FANCC: variants seen among roughly 807,000 people sequenced by gnomAD.
The protein encoded by FANCC is FA complementation group C.
A neutral mutation model predicts 71.3 loss-of-function variants in FANCC; 55 were observed. The observed-to-expected ratio is 0.77, with a 90% CI of 0.62 to 0.97. The LOEUF is 0.97. Among genes scored for constraint, FANCC ranks in the 50% least tolerant of loss-of-function variants. The pLI is 0.00. For synonymous variants in FANCC, 275 were observed against 244.9 expected, an observed-to-expected ratio of 1.12 and a Z score of -1.15; for missense variants, 678 against 670.9, an observed-to-expected ratio of 1.01 and a Z score of -0.12.
At chr9:95,188,354 C>T (rs1004337878) in intron 4 of FANCC, among the ~76,000 whole-genome samples, 1 of 152,190 alleles carries the variant, frequency 6.6e-6, no homozygotes, top group Non-Finnish European at 1.5e-5. Flanking sequence ...CAGCCTGCTC[C>T]ATGAAAAGCT....
intron 8 of FANCC, among the ~76,000 whole-genome samples, chr9:95,130,224 G>A (rs977069019): frequency 1.5e-4 from 23 of 152,108 alleles, no homozygotes; most frequent in African/African-American, 5.3e-4. Flanking sequence ...AAAGAGGCCT[G>A]AGAACAAGAA....
intron 1 of FANCC, among the ~76,000 whole-genome samples, chr9:95,309,071 A>C (rs1835232391): frequency 6.6e-6 from 1 of 152,224 alleles, no homozygotes; most frequent in Non-Finnish European, 1.5e-5. Context: ...TTAAGAAAAA[A>C]TCAGTCATAT....
At chr9:95,260,686 T>TA (rs75106263) in intron 1 of FANCC, among the ~76,000 whole-genome samples, 3,439 of 129,490 alleles carry the variant, frequency 0.027, 73 homozygotes, top group Middle Eastern at 0.082. Flanking sequence ...ACTTAAAATA[T>TA]AAAAAAAAAA....
At chr9:95,289,907 C>A (rs1173219992) in intron 1 of FANCC, among the ~76,000 whole-genome samples, 2 of 152,202 alleles carry the variant, frequency 1.3e-5, no homozygotes, top group Non-Finnish European at 2.9e-5. Flanking sequence ...GATCCTCCTG[C>A]CTCAGCCTCC....
Position 95,306,757 on chromosome 9 carries a change from C to CT in FANCC, c.-79+10768_-79+10769insA, listed in dbSNP as rs1299544801. Among the ~76,000 whole-genome samples, 15 of 152,272 alleles carry CT rather than the reference C, an allele frequency of 9.9e-5. 1 individual carries two copies. The highest frequency in any genetic ancestry group is 3.6e-4 in the African/African-American group (15 of 41,538). On this transcript the variant is annotated intron_variant, in intron 1 of 14. Coordinates refer to ENST00000289081, the MANE Select transcript of FANCC (RefSeq NM_000136.3). ...TAAAAGCTGTACACACACAATCAAC[C>CT]CAAGAAGTTCATCAGTAGCTATCCT... is the stretch of plus-strand genomic sequence containing the variant.
At chr9:95,159,821 T>C (rs1830646332) in intron 6 of FANCC, among the ~76,000 whole-genome samples, 1 of 152,240 alleles carries the variant, frequency 6.6e-6, no homozygotes, top group South Asian at 2.1e-4. Context: ...GTTGGCTGCA[T>C]AAATGTCTTG....
intron 6 of FANCC, among the ~76,000 whole-genome samples, chr9:95,160,206 A>C (rs1830665031): frequency 6.6e-6 from 1 of 152,174 alleles, no homozygotes; most frequent in South Asian, 2.1e-4. Flanking sequence ...ATTTTTATAT[A>C]AGGTGTAAGG....
chr9:95,215,810 C>A (rs975378508), intron 4 of FANCC, among the ~76,000 whole-genome samples: 1 of 152,182 alleles, frequency 6.6e-6, no homozygotes, highest in Non-Finnish European at 1.5e-5. Context: ...GGAGTAAGCA[C>A]GGAGGTGACT....
intron 12 of FANCC, among the ~76,000 whole-genome samples, chr9:95,112,313 G>A (rs940176361): frequency 6.6e-6 from 1 of 152,304 alleles, no homozygotes; most frequent in South Asian, 2.1e-4. Context: ...CATTAGATGA[G>A]AACATTCCTT....
intron 4 of FANCC, among the ~76,000 whole-genome samples, chr9:95,224,417 G>A (rs1276299741): frequency 6.6e-6 from 1 of 151,982 alleles, no homozygotes; most frequent in Non-Finnish European, 1.5e-5. Flanking sequence ...CTACCTTCAT[G>A]GAGTTGTGAA....
intron 12 of FANCC, 114 bp downstream of exon 12, chr9:95,114,515 G>C (rs746937183): frequency 3.2e-5 from 30 of 938,160 alleles, no homozygotes; most frequent in Non-Finnish European, 5.1e-5. Flanking sequence ...TCACCTGTTT[G>C]GTGATGGTCC....
chr9:95,241,284 T>C (rs1830612703), intron 3 of FANCC, among the ~76,000 whole-genome samples: 1 of 152,236 alleles, frequency 6.6e-6, no homozygotes, highest in African/African-American at 2.4e-5. Context: ...AGGATTGTTT[T>C]AAAATATATT....
intron 4 of FANCC, among the ~76,000 whole-genome samples, chr9:95,229,049 A>G (rs142253505): frequency 1.2e-4 from 18 of 152,230 alleles, no homozygotes; most frequent in African/African-American, 4.3e-4. Flanking sequence ...TGTAATCCCA[A>G]CACTTTGGAA....
intron 4 of FANCC, among the ~76,000 whole-genome samples, chr9:95,192,137 T>G (rs547358354): frequency 5.1e-4 from 78 of 152,344 alleles, no homozygotes; most frequent in African/African-American, 1.8e-3. Flanking sequence ...ATGTGATATC[T>G]AAAATCGATT....
intron 11 of FANCC, among the ~76,000 whole-genome samples, chr9:95,116,565 C>T (rs2072439114): frequency 6.6e-6 from 1 of 152,236 alleles, no homozygotes; most frequent in Admixed American, 6.5e-5. Flanking sequence ...CCTTCTGTCT[C>T]CTCTCCTCCC....
intron 1 of FANCC, among the ~76,000 whole-genome samples, chr9:95,289,135 A>G (rs1833862107): frequency 6.6e-6 from 1 of 152,186 alleles, no homozygotes; most frequent in South Asian, 2.1e-4. Context: ...GTATCATTTC[A>G]ATCTACTACT....
intron 1 of FANCC, among the ~76,000 whole-genome samples, chr9:95,289,427 T>C (rs1423977145): frequency 6.6e-6 from 1 of 152,106 alleles, no homozygotes; most frequent in African/African-American, 2.4e-5. Flanking sequence ...CGCGTGAGTA[T>C]AGTATATAGA....
intron 3 of FANCC, among the ~76,000 whole-genome samples, chr9:95,241,029 T>C (rs1341628181): frequency 6.6e-6 from 1 of 152,206 alleles, no homozygotes; most frequent in Non-Finnish European, 1.5e-5. Context: ...ACTTAACTCT[T>C]GTGTGGTCAA....
At chr9:95,267,311 T>C (rs1343461847) in intron 1 of FANCC, among the ~76,000 whole-genome samples, 1 of 151,914 alleles carries the variant, frequency 6.6e-6, no homozygotes, top group African/African-American at 2.4e-5. Flanking sequence ...CTAGGGAGGA[T>C]GGAGGACACC....
Sources: allele counts gnomAD v4.1 joint callset (sites outside exome capture counted in the v4.1 genomes callset), GRCh38; gene constraint gnomAD v4.1.1; transcripts MANE v1.5; gene names NCBI Gene and HGNC (gene_info 2026-07-23, HGNC 2026-07-21).